The following PSMD1 variants were observed in gnomAD, a reference collection of about 807,000 sequenced individuals.
PSMD1 encodes 26S proteasome non-ATPase regulatory subunit 1.
Under a neutral mutation model 119.0 loss-of-function variants are expected in PSMD1, and 18 were observed. The observed-to-expected ratio is 0.15, with a 90% CI of 0.10 to 0.22. PSMD1 has a LOEUF of 0.22. PSMD1 is among the 10% of genes least tolerant of loss of function. The probability of loss-of-function intolerance (pLI) is 1.00; values close to 1 mark genes in which losing one functional copy is unlikely to be tolerated. For synonymous variants in PSMD1, 374 were observed against 396.6 expected, an observed-to-expected ratio of 0.94 and a Z score of 0.68; for missense variants, 702 against 1,158.5, an observed-to-expected ratio of 0.61 and a Z score of 5.72.
At chr2:231,084,966 G>A in intron 14 of PSMD1, 53 bp from the exon 15 acceptor site, 2 of 1,442,822 alleles carry the variant, frequency 1.4e-6, no homozygotes, top group Non-Finnish European at 1.9e-6. Context: ...TTAGACTGTA[G>A]AAGTTAACTG....
rs1249638079 is a variant in PSMD1, at chr2:231,066,621, CT to C, written c.305-284del. Reference sequence around the variant, plus strand: ...GTTGAACTCCTGGGCTCATGTGATCCTCCTGCCTCAGCCTGCCGAGTAGCTG... The same window carrying C: ...GTTGAACTCCTGGGCTCATGTGATCCCCTGCCTCAGCCTGCCGAGTAGCTG... On this transcript the variant is annotated intron_variant, in intron 4 of 24. Coordinates refer to ENST00000308696, the MANE Select transcript of PSMD1 (RefSeq NM_002807.4). 3.3e-5 allele frequency among the ~76,000 whole-genome samples: 5 copies of C among 152,184 alleles called. No homozygotes were observed. The East Asian group carries it at 9.6e-4, about 29-fold the overall frequency.
intron 16 of PSMD1, among the ~76,000 whole-genome samples, chr2:231,110,850 G>A (rs940434749): frequency 6.6e-6 from 1 of 152,220 alleles, no homozygotes; most frequent in Non-Finnish European, 1.5e-5. Context: ...GAATGGAGGA[G>A]CTGTGACAGA....
chr2:231,087,283 TA>T, intron 16 of PSMD1, 102 bp downstream of exon 16: 2 of 899,932 alleles, frequency 2.2e-6, no homozygotes, highest in Non-Finnish European at 3.5e-6. Flanking sequence ...AAACAAAAAC[TA>T]AATACCTGAG....
chr2:231,150,805 CA>C (rs1327872230), intron 18 of PSMD1, among the ~76,000 whole-genome samples: 1 of 151,436 alleles, frequency 6.6e-6, no homozygotes, highest in South Asian at 2.1e-4. Context: ...ATTTCACAGA[CA>C]AAAAAAACAC....
intron 18 of PSMD1, among the ~76,000 whole-genome samples, chr2:231,150,103 T>A (rs944364458): frequency 6.6e-6 from 1 of 152,088 alleles, no homozygotes; most frequent in East Asian, 1.9e-4. Context: ...CACAGCACTT[T>A]GGGAGGCCAA....
At chr2:231,098,866 C>T (rs565362514) in intron 16 of PSMD1, among the ~76,000 whole-genome samples, 1 of 152,140 alleles carries the variant, frequency 6.6e-6, no homozygotes, top group East Asian at 1.9e-4. Flanking sequence ...AAGCCAATGG[C>T]CCCCCCTTCC....
intron 16 of PSMD1, among the ~76,000 whole-genome samples, chr2:231,118,794 AG>A (rs1357193829): frequency 2.6e-5 from 4 of 152,206 alleles, no homozygotes; most frequent in African/African-American, 4.8e-5. Context: ...TTCCCTTTGG[AG>A]GATGTAAAAG....
At chr2:231,073,260 A>C (rs1019678867) in intron 7 of PSMD1, among the ~76,000 whole-genome samples, 3 of 152,192 alleles carry the variant, frequency 2.0e-5, no homozygotes, top group African/African-American at 7.2e-5. Flanking sequence ...AACAGATATA[A>C]CGATAATTAA....
chr2:231,135,111 A>G (rs1695937903), intron 16 of PSMD1, among the ~76,000 whole-genome samples: 1 of 152,204 alleles, frequency 6.6e-6, no homozygotes, highest in Non-Finnish European at 1.5e-5. Context: ...TGAGTTTGTT[A>G]GATGATTTGG....
intron 16 of PSMD1, among the ~76,000 whole-genome samples, chr2:231,131,862 G>A (rs7565408): frequency 0.44 from 65,691 of 150,126 alleles, 15,836 homozygotes; most frequent in African/African-American, 0.62. Context: ...TGGTTTTACT[G>A]TACTCTTGAA....
chr2:231,117,341 TAAATG>T (rs1410757007), intron 16 of PSMD1, among the ~76,000 whole-genome samples: 2 of 152,042 alleles, frequency 1.3e-5, no homozygotes, highest in Non-Finnish European at 2.9e-5. Flanking sequence ...GTTACATACT[TAAATG>T]GAAAGAAAGA....
At chr2:231,124,708 C>CT (rs1369974057) in intron 16 of PSMD1, among the ~76,000 whole-genome samples, 1 of 152,014 alleles carries the variant, frequency 6.6e-6, no homozygotes, top group African/African-American at 2.4e-5. Flanking sequence ...CAAACCAGTT[C>CT]TTTTTTTGTT....
intron 18 of PSMD1, among the ~76,000 whole-genome samples, chr2:231,149,439 A>G (rs1327057087): frequency 1.3e-5 from 2 of 152,238 alleles, no homozygotes; most frequent in Non-Finnish European, 2.9e-5. Flanking sequence ...GTTCAAGGCC[A>G]GCCTGAACAA....
intron 23 of PSMD1, among the ~76,000 whole-genome samples, chr2:231,166,432 C>T (rs958842902): frequency 3.9e-5 from 6 of 151,996 alleles, no homozygotes; most frequent in African/African-American, 1.5e-4. Context: ...AAATGAGGCA[C>T]AGATTGAACA....
rs1238192550 is a variant in PSMD1 at position 231,170,097 on chromosome 2, G to C, written c.2716-469G>C. Among the ~76,000 whole-genome samples, 1 of 152,178 alleles carries C rather than the reference G, an allele frequency of 6.6e-6. No homozygotes were observed. Among genetic ancestry groups the C allele is most frequent in the African/African-American group, 2.4e-5 (1 of 41,458 alleles). The stretch of plus-strand genomic sequence containing the variant: ...ATTAGACTGCTTCTCAAACTTCAGT[G>C]TGCATCAGATTGACTGGGATCTTGT... On this transcript the variant is annotated intron_variant, in intron 23 of 24. Transcript: ENST00000308696. This position sits in a 1 kb window ranked among gnomAD's most constrained non-coding sequence, Gnocchi z 4.1.
chr2:231,157,965 G>A (rs1424245026), intron 19 of PSMD1, among the ~76,000 whole-genome samples: 1 of 152,026 alleles, frequency 6.6e-6, no homozygotes, highest in African/African-American at 2.4e-5. Context: ...GTAGAACACT[G>A]TGCTGCAACT....
At chr2:231,096,160 C>G (rs1399301868) in intron 16 of PSMD1, among the ~76,000 whole-genome samples, 1 of 152,144 alleles carries the variant, frequency 6.6e-6, no homozygotes, top group East Asian at 1.9e-4. Context: ...GTTCATGTAC[C>G]TGATTGCCTT....
rs1404500582 is a variant in PSMD1 at position 231,165,024 on chromosome 2, TTATATATATTTATA to T, written c.2482-166_2482-153del. ...TTAGTTTTCCCATTTATTCTTTGAT[TTATATATATTTATA>T]TATATATATATATATATATATATAT... is the stretch of plus-strand genomic sequence containing the variant. On this transcript the variant is annotated intron_variant, in intron 21 of 24. Transcript: ENST00000308696. 359 of 139,700 alleles carry T rather than the reference TTATATATATTTATA, an allele frequency of 2.6e-3. 10 individuals are homozygous for T. Among genetic ancestry groups the T allele is most frequent in the Non-Finnish European group, 3.2e-3 (229 of 71,464 alleles). 8.7% of individuals were successfully genotyped at this position (139,700 alleles called of 1,614,324 possible). A position where few individuals can be genotyped will look rare whatever the true frequency, so the allele number is the denominator to read the frequency against.
intron 7 of PSMD1, among the ~76,000 whole-genome samples, chr2:231,075,145 G>A (rs1287118244): frequency 6.6e-6 from 1 of 152,138 alleles, no homozygotes; most frequent in Non-Finnish European, 1.5e-5. Context: ...AGGGACTGTT[G>A]GCTGATTAGA....
Sources: gnomAD v4.1 joint callset for allele counts (sites outside exome capture counted in the v4.1 genomes callset) on GRCh38, gnomAD v4.1.1 for gene constraint, Gnocchi (gnomAD v3.1) non-coding constraint, MANE v1.5 for transcripts, NCBI Gene and HGNC (gene_info 2026-07-23, HGNC 2026-07-21) for gene names.